The following ABLIM1 variants were observed in gnomAD, a reference collection of about 807,000 sequenced individuals.
The protein encoded by ABLIM1 is actin-binding LIM protein 1.
Under a neutral mutation model 107.0 loss-of-function variants are expected in ABLIM1, and 40 were observed. The ratio of observed to expected loss-of-function variants is 0.37; its 90% CI spans 0.29 to 0.49. The LOEUF is 0.49. ABLIM1 is among the 20% of genes least tolerant of loss of function. The probability of loss-of-function intolerance (pLI) is 0.97; values close to 1 mark genes in which losing one functional copy is unlikely to be tolerated. For missense variants in ABLIM1, 857 were observed against 1,008.5 expected, an observed-to-expected ratio of 0.85 and a Z score of 2.04; for synonymous variants, 357 against 357.3, an observed-to-expected ratio of 1.00 and a Z score of 0.01.
chr10:114,501,786 C>T (rs1268828599), intron 6 of ABLIM1, among the ~76,000 whole-genome samples: 2 of 152,194 alleles, frequency 1.3e-5, no homozygotes, highest in African/African-American at 4.8e-5. Context: ...CTAAGAACGT[C>T]CCCCAACAGA....
chr10:114,602,076 T>G, intron 1 of ABLIM1, 115 bp from the exon 2 acceptor site: 1 of 1,372,036 alleles, frequency 7.3e-7, no homozygotes, highest in Non-Finnish European at 1.0e-6. Context: ...GATTCGACAG[T>G]GTGAACAGAG....
At chr10:114,736,259 C>G (rs541605252) in intron 1 of ABLIM1, among the ~76,000 whole-genome samples, 1 of 152,286 alleles carries the variant, frequency 6.6e-6, no homozygotes, top group South Asian at 2.1e-4. Flanking sequence ...AAATTTAACA[C>G]AGATACTGCT....
At chr10:114,646,200 C>T (rs979086025) in intron 1 of ABLIM1, among the ~76,000 whole-genome samples, 1 of 152,136 alleles carries the variant, frequency 6.6e-6, no homozygotes, top group South Asian at 2.1e-4. Flanking sequence ...ATCTGGATTA[C>T]ACAATATTTC....
chr10:114,583,548 G>A (rs909537939), intron 2 of ABLIM1, among the ~76,000 whole-genome samples: 4 of 139,310 alleles, frequency 2.9e-5, no homozygotes, highest in Non-Finnish European at 4.6e-5. Context: ...AGTCACTGTG[G>A]AAAGCAGTTT....
At chr10:114,687,464 C>T (rs1350315802), upstream of ABLIM1, among the ~76,000 whole-genome samples, 1 of 152,220 alleles carries the variant, frequency 6.6e-6, no homozygotes, top group Non-Finnish European at 1.5e-5. Flanking sequence ...TGCCTTGCAA[C>T]ATTTTGAATG....
At chr10:114,551,634 G>A (rs1239823971) in intron 4 of ABLIM1, among the ~76,000 whole-genome samples, 1 of 152,264 alleles carries the variant, frequency 6.6e-6, no homozygotes, top group African/African-American at 2.4e-5. Flanking sequence ...TGACCAACCA[G>A]AGGCTGAAGT....
intron 1 of ABLIM1, among the ~76,000 whole-genome samples, chr10:114,648,453 A>G (rs192316905): frequency 1.4e-4 from 22 of 152,344 alleles, no homozygotes; most frequent in Non-Finnish European, 1.8e-4. Flanking sequence ...CATGATTCCA[A>G]TCAGATGAAA....
At chr10:114,704,330 A>C (rs954040588) in intron 1 of ABLIM1, among the ~76,000 whole-genome samples, 2 of 55,486 alleles carry the variant, frequency 3.6e-5, no homozygotes, top group Admixed American at 1.8e-4. Context: ...ATATATATAT[A>C]TATATTGCGC....
At chr10:114,463,642 T>C (rs1331472171) in intron 12 of ABLIM1, among the ~76,000 whole-genome samples, 1 of 151,976 alleles carries the variant, frequency 6.6e-6, no homozygotes, top group East Asian at 1.9e-4. Context: ...AAGGAAAACA[T>C]GTTTGTGTTC....
chr10:114,549,774 G>A (rs142094561), intron 4 of ABLIM1, among the ~76,000 whole-genome samples: 2 of 152,290 alleles, frequency 1.3e-5, no homozygotes, highest in East Asian at 3.9e-4. Context: ...AATACTATGG[G>A]CTGTTCAAAA....
chr10:114,503,217 G>A (rs541323151), intron 6 of ABLIM1, among the ~76,000 whole-genome samples: 32 of 152,268 alleles, frequency 2.1e-4, no homozygotes, highest in African/African-American at 7.7e-4. Context: ...TTGGGAGGCC[G>A]AGGCAGGTGG....
the ABLIM1 span, among the ~76,000 whole-genome samples, chr10:114,784,447 T>G: frequency 6.6e-6 from 1 of 151,552 alleles, no homozygotes; most frequent in African/African-American, 2.4e-5. Context: ...GGTGGATCAC[T>G]TGAGGTCAGG....
intron 6 of ABLIM1, among the ~76,000 whole-genome samples, chr10:114,495,085 G>A (rs188060463): frequency 8.5e-5 from 13 of 152,252 alleles, no homozygotes; most frequent in Admixed American, 5.2e-4. Flanking sequence ...AGAAGACAGC[G>A]AGAATATACA....
chr10:114,441,055 T>A lies in ABLIM1; in HGVS notation c.2021A>T (p.Gln674Leu). The A allele has an allele frequency of 6.3e-7, 1 of 1,588,154 alleles. No homozygotes were observed. Among genetic ancestry groups the A allele is most frequent in the Non-Finnish European group, 8.6e-7 (1 of 1,166,024 alleles). Residue 674 changes from glutamine to leucine, a missense_variant, in exon 19 of 23, where the codon CAG becomes CTG. By Grantham distance (113) the Gln-to-Leu change is moderately radical (BLOSUM62 -2). Coordinates refer to ENST00000533213, the MANE Select transcript of ABLIM1 (RefSeq NM_002313.7). ...LHRPVSTDFA[Q>L]YNSYGDVSGG... ...GCTGACATCCCCATAGCTGTTATAC[T>A]GAGCGAAGTCGGTAGAAACAGGCTG...
intron 6 of ABLIM1, among the ~76,000 whole-genome samples, chr10:114,531,642 C>T (rs571702088): frequency 4.4e-4 from 67 of 151,800 alleles, no homozygotes; most frequent in Non-Finnish European, 7.4e-4. Context: ...CTCAGCCTCC[C>T]GAGTAGCTGG....
At chr10:114,569,190 T>C (rs1294598026) in intron 4 of ABLIM1, among the ~76,000 whole-genome samples, 2 of 152,156 alleles carry the variant, frequency 1.3e-5, no homozygotes, top group Non-Finnish European at 2.9e-5. Context: ...TCAAAAAACA[T>C]AGTTGGACTA....
chr10:114,722,398 A>C (rs542021553), intron 1 of ABLIM1, among the ~76,000 whole-genome samples: 1 of 152,288 alleles, frequency 6.6e-6, no homozygotes, highest in Non-Finnish European at 1.5e-5. Context: ...ATCTGCCCCC[A>C]TGATCCAATC....
the ABLIM1 span, among the ~76,000 whole-genome samples, chr10:114,785,427 T>G: frequency 6.6e-6 from 1 of 152,364 alleles, no homozygotes; most frequent in East Asian, 1.9e-4. Context: ...GAATCCAGTA[T>G]GTAATAATGG....
Position 114,491,678 on chromosome 10 carries a change from G to A in ABLIM1, c.982+113C>T, listed in dbSNP as rs75412974. The A allele has an allele frequency of 7.8e-3, 7,686 of 990,176 alleles. 303 individuals are homozygous for A. The African/African-American group carries it at 0.1, about 13-fold the overall frequency. The allele number at this position is 990,176 out of a possible 1,614,324, so 61.3% of individuals were successfully genotyped here. ...TTTGGCCATAATCTTCTTGGATTTG[G>A]GTAGCCTCACAGCTAATAACATGCC... On this transcript the variant is annotated intron_variant, in intron 7 of 22. Coordinates refer to ENST00000533213, the MANE Select transcript of ABLIM1 (RefSeq NM_002313.7).
Sources: allele counts gnomAD v4.1 joint callset (sites outside exome capture counted in the v4.1 genomes callset), GRCh38; gene constraint gnomAD v4.1.1; transcripts MANE v1.5; gene names NCBI Gene and HGNC (gene_info 2026-07-23, HGNC 2026-07-21).